WBP2NL: variants seen among roughly 807,000 people sequenced by gnomAD.
WBP2NL encodes postacrosomal sheath WW domain-binding protein.
Under a neutral mutation model 23.3 loss-of-function variants are expected in WBP2NL, and 27 were observed. The observed-to-expected ratio is 1.16, with a 90% CI of 0.85 to 1.60. The LOEUF (loss-of-function observed/expected upper bound fraction) is 1.60. WBP2NL is among the 40% of genes most tolerant of loss of function. WBP2NL has a pLI of 0.00. For synonymous variants in WBP2NL, 151 were observed against 145.9 expected (o/e 1.03, Z -0.25); for missense variants, 370 against 389.5 (o/e 0.95, Z 0.42).
intron 8 of WBP2NL, among the ~76,000 whole-genome samples, chr22:42,050,560 A>G (rs956656753): frequency 6.6e-6 from 1 of 151,892 alleles, no homozygotes; most frequent in Non-Finnish European, 1.5e-5. Context: ...AGGCAGGAGG[A>G]TCTCTTGAAC....
In WBP2NL at chr22:42,028,366, C is replaced by T; in HGVS notation, c.*1185C>T. Reference sequence around the variant, plus strand: ...TTATAACAAATATTTTGTAATGTCTCCTTCACTTCAATGAAGTTTGTAGAT... The same window carrying T: ...TTATAACAAATATTTTGTAATGTCTTCTTCACTTCAATGAAGTTTGTAGAT... On this transcript the variant is annotated 3_prime_UTR_variant, in exon 6 of 6. Transcript: ENST00000328823. The T allele has an allele frequency of 3.7e-6, 1 of 269,754 alleles. No individual in the cohort carries two copies. The highest frequency in any genetic ancestry group is 6.8e-6 in the Non-Finnish European group (1 of 146,734). The allele number at this position is 269,754 out of a possible 1,614,324, so 16.7% of individuals were successfully genotyped here.
At chr22:42,008,807 C>A (rs936027667) in intron 1 of WBP2NL, among the ~76,000 whole-genome samples, 1 of 149,450 alleles carries the variant, frequency 6.7e-6, no homozygotes, top group Admixed American at 6.7e-5. Context: ...AAGATGGAGT[C>A]TCGCTCTGTT....
downstream of WBP2NL, among the ~76,000 whole-genome samples, chr22:42,037,850 AGTGT>A (rs145563548): frequency 0.26 from 37,988 of 143,428 alleles, 6,322 homozygotes; most frequent in African/African-American, 0.49. Flanking sequence ...AGAGAGTGAG[AGTGT>A]GTGTGTGTGT....
intron 8 of WBP2NL, among the ~76,000 whole-genome samples, chr22:42,049,625 G>C (rs1925741223): frequency 6.8e-6 from 1 of 146,978 alleles, no homozygotes; most frequent in Admixed American, 6.8e-5. Flanking sequence ...AGGAGGCAGA[G>C]CTTGCAGTGA....
At chr22:42,049,206 T>G (rs910853002) in intron 8 of WBP2NL, among the ~76,000 whole-genome samples, 1 of 152,080 alleles carries the variant, frequency 6.6e-6, no homozygotes, top group African/African-American at 2.4e-5. Context: ...CGCACAAATA[T>G]AGCCAACATG....
At chr22:42,033,635 G>C (rs1236684068), downstream of WBP2NL, among the ~76,000 whole-genome samples, 2 of 152,090 alleles carry the variant, frequency 1.3e-5, no homozygotes, top group Non-Finnish European at 2.9e-5. Flanking sequence ...TCTGCAGGCA[G>C]GTCTTCCTGT....
At chr22:42,032,591 A>C, downstream of WBP2NL, 1 of 268,816 alleles carries the variant, frequency 3.7e-6, no homozygotes, top group Non-Finnish European at 7.9e-6. Flanking sequence ...GTAGAAGCCC[A>C]ATTCAAATTA....
At chr22:42,020,881 TA>T (rs1569449962) in intron 4 of WBP2NL, among the ~76,000 whole-genome samples, 1 of 28,320 alleles carries the variant, frequency 3.5e-5, no homozygotes, top group Non-Finnish European at 6.9e-5. Flanking sequence ...TATATATATA[TA>T]TATATATATA....
intron 1 of WBP2NL, among the ~76,000 whole-genome samples, chr22:42,018,312 CAAAAA>C (rs34200437): frequency 2.1e-5 from 1 of 48,638 alleles, no homozygotes; most frequent in Non-Finnish European, 4.7e-5. Flanking sequence ...GACCCTGTCT[CAAAAA>C]AAAAAAAAAA....
chr22:42,047,269 CAAAAAAAAA>C (rs140516534), intron 8 of WBP2NL, among the ~76,000 whole-genome samples: 15 of 101,486 alleles, frequency 1.5e-4, no homozygotes, highest in African/African-American at 5.0e-4. Context: ...TTTTCAAGCT[CAAAAAAAAA>C]AAAAAAAAAA....
At chr22:42,034,443 G>A (rs554708139), downstream of WBP2NL, among the ~76,000 whole-genome samples, 140 of 152,184 alleles carry the variant, frequency 9.2e-4, no homozygotes, top group Non-Finnish European at 1.7e-3. Context: ...GGGAGTGTGC[G>A]AATAGGTGTG....
intron 8 of WBP2NL, among the ~76,000 whole-genome samples, chr22:42,054,180 T>A (rs1281187044): frequency 6.6e-6 from 1 of 151,974 alleles, no homozygotes; most frequent in Non-Finnish European, 1.5e-5. Flanking sequence ...TGATTGCTTC[T>A]GATTTAAAAA....
downstream of WBP2NL, among the ~76,000 whole-genome samples, chr22:42,037,399 T>C (rs1172870633): frequency 6.6e-6 from 1 of 152,186 alleles, no homozygotes; most frequent in Admixed American, 6.5e-5. Context: ...CAGCTTTTTG[T>C]TCTCGTTCAA....
chr22:42,013,673 G>T (rs1042351804), intron 1 of WBP2NL, among the ~76,000 whole-genome samples: 1 of 151,730 alleles, frequency 6.6e-6, no homozygotes, highest in African/African-American at 2.4e-5. Flanking sequence ...GCAGTGGCAC[G>T]ATCACAGCTC....
At chr22:42,047,284 A>AG (rs1284667375) in intron 8 of WBP2NL, among the ~76,000 whole-genome samples, 3 of 151,202 alleles carry the variant, frequency 2.0e-5, no homozygotes, top group Non-Finnish European at 4.4e-5. Flanking sequence ...AAAAAAAAAA[A>AG]AAAAAAGAAA....
In WBP2NL at chr22:42,027,060, C is replaced by T; in HGVS notation, c.809C>T (p.Pro270Leu). 2 of 1,614,228 alleles carry T rather than the reference C, an allele frequency of 1.2e-6. No homozygotes were observed. The highest frequency in any genetic ancestry group is 1.7e-6 in the Non-Finnish European group (2 of 1,180,016). The stretch of plus-strand genomic sequence containing the variant: ...CCACCTGCAGGAAATGAAGGCCCGC[C>T]TGCGGGATACAGAGCCTCACCTGCT... ...GAPPAGNEGP[P>L]AGYRASPAGS... The change falls in exon 6 of 6, where the codon CCT (proline) becomes CTT (leucine). Residue 270 changes from proline to leucine, a missense_variant. Coordinates refer to ENST00000328823, the MANE Select transcript of WBP2NL (RefSeq NM_152613.3).
chr22:42,052,042 A>G (rs182260618), intron 8 of WBP2NL, among the ~76,000 whole-genome samples: 58 of 152,336 alleles, frequency 3.8e-4, no homozygotes, highest in African/African-American at 1.3e-3. Flanking sequence ...CTAAATTACC[A>G]TCTTATTCTC....
chr22:42,018,333 CA>C (rs889280247), intron 1 of WBP2NL, among the ~76,000 whole-genome samples: 15 of 98,922 alleles, frequency 1.5e-4, no homozygotes, highest in African/African-American at 6.3e-4. Context: ...AAAAAAAAGA[CA>C]GAAGAAAGAG....
At chr22:42,047,621 ATTT>A (rs570138140) in intron 8 of WBP2NL, among the ~76,000 whole-genome samples, 6 of 133,052 alleles carry the variant, frequency 4.5e-5, no homozygotes, top group African/African-American at 1.4e-4. Context: ...AACCAATCAA[ATTT>A]TTTTTTTTTT....
Sources: allele counts gnomAD v4.1 joint callset (sites outside exome capture counted in the v4.1 genomes callset), GRCh38; gene constraint gnomAD v4.1.1; transcripts MANE v1.5; gene names NCBI Gene and HGNC (gene_info 2026-07-23, HGNC 2026-07-21).